Variants in RBMS1 observed in about 807,000 individuals in gnomAD.
RBMS1 encodes the protein RNA-binding motif, single-stranded-interacting protein 1.
Under a neutral mutation model 62.3 loss-of-function variants are expected in RBMS1, and 17 were observed. The ratio of observed to expected loss-of-function variants is 0.27; its 90% CI spans 0.19 to 0.41. RBMS1 has a LOEUF of 0.41. Among genes scored for constraint, RBMS1 ranks in the 10% least tolerant of loss-of-function variants. The pLI, the probability that RBMS1 is intolerant of heterozygous loss-of-function variation, is 1.00. For synonymous variants in RBMS1, 172 were observed against 170.0 expected (o/e 1.01, Z -0.09); for missense variants, 334 against 504.5 (o/e 0.66, Z 3.24).
intron 2 of RBMS1, among the ~76,000 whole-genome samples, chr2:160,324,338 C>T (rs1690764510): frequency 6.6e-6 from 1 of 152,188 alleles, no homozygotes; most frequent in Admixed American, 6.5e-5. Context: ...TAAGCCAAAG[C>T]TCTGGAGAGT....
At chr2:160,393,889 T>C (rs956458343) in intron 1 of RBMS1, among the ~76,000 whole-genome samples, 2 of 152,196 alleles carry the variant, frequency 1.3e-5, no homozygotes, top group African/African-American at 4.8e-5. Flanking sequence ...AAATAAGCTA[T>C]GCGATGTCCT....
intron 1 of RBMS1, among the ~76,000 whole-genome samples, chr2:160,481,261 C>G (rs1685359056): frequency 6.7e-6 from 1 of 149,580 alleles, no homozygotes. Context: ...ACAACAATAA[C>G]AAATCTTGAT....
At chr2:160,306,553 T>C (rs1689536210) in intron 4 of RBMS1, among the ~76,000 whole-genome samples, 1 of 152,074 alleles carries the variant, frequency 6.6e-6, no homozygotes. Context: ...AGCGCTAATG[T>C]TATTTATGTT....
At chr2:160,280,315 A>G (rs1688038331) in intron 10 of RBMS1, among the ~76,000 whole-genome samples, 2 of 152,308 alleles carry the variant, frequency 1.3e-5, no homozygotes, top group Non-Finnish European at 2.9e-5. Flanking sequence ...GTATGTGTAT[A>G]TATCACACAA....
At chr2:160,349,462 C>T (rs948514036) in intron 2 of RBMS1, among the ~76,000 whole-genome samples, 2 of 151,722 alleles carry the variant, frequency 1.3e-5, no homozygotes, top group Non-Finnish European at 2.9e-5. Context: ...GTTCTTGTGG[C>T]AAATCCTAGA....
intron 2 of RBMS1, among the ~76,000 whole-genome samples, chr2:160,366,156 C>A (rs1315520553): frequency 3.9e-5 from 6 of 152,146 alleles, no homozygotes. Flanking sequence ...AAAACAAACA[C>A]AGCACAACAA....
At chr2:160,407,872 T>A in intron 1 of RBMS1, 2 of 980,708 alleles carry the variant, frequency 2.0e-6, no homozygotes, top group Non-Finnish European at 2.4e-6. Flanking sequence ...CGCCGCCGCG[T>A]CCCCACCTAC....
chr2:160,316,744 C>T (rs1690244775), intron 3 of RBMS1, among the ~76,000 whole-genome samples: 1 of 152,068 alleles, frequency 6.6e-6, no homozygotes, highest in South Asian at 2.1e-4. Context: ...ACTGAGCCGA[C>T]ATTAAGATTT....
chr2:160,383,830 G>A (rs949919602), intron 1 of RBMS1, among the ~76,000 whole-genome samples: 1 of 152,202 alleles, frequency 6.6e-6, no homozygotes. Context: ...ACAACTAATA[G>A]GTCATCTTGT....
chr2:160,490,119 T>G (rs1685759904), intron 1 of RBMS1, among the ~76,000 whole-genome samples: 1 of 152,070 alleles, frequency 6.6e-6, no homozygotes, highest in African/African-American at 2.4e-5. Flanking sequence ...ATCAACATCT[T>G]TTTTCTGTGT....
chr2:160,450,579 A>AAAAAAAAAAT (rs1683937601), intron 1 of RBMS1, among the ~76,000 whole-genome samples: 1 of 147,024 alleles, frequency 6.8e-6, no homozygotes, highest in Non-Finnish European at 1.5e-5. Context: ...AAAAAAAAAA[A>AAAAAAAAAAT]CAAAAAACAT....
At chr2:160,426,270 AAAGAAAGAAAGAAAG>A in intron 1 of RBMS1, among the ~76,000 whole-genome samples, 1 of 126,596 alleles carries the variant, frequency 7.9e-6, no homozygotes, top group Non-Finnish European at 1.7e-5. Context: ...AGAAAGAAAG[AAAGAAAGAAAGAAAG>A]AAAGAAAAGA....
chr2:160,452,039 T>G (rs77868243), intron 1 of RBMS1, among the ~76,000 whole-genome samples: 2,275 of 152,256 alleles, frequency 0.015, 74 homozygotes, highest in African/African-American at 0.052. Context: ...AAAGCAAACT[T>G]GAACCCCTTA....
intron 1 of RBMS1, among the ~76,000 whole-genome samples, chr2:160,412,128 T>C (rs897516939): frequency 6.6e-6 from 1 of 152,134 alleles, no homozygotes; most frequent in Non-Finnish European, 1.5e-5. Context: ...AGGAGGTGTA[T>C]ACCAACTAGA....
chr2:160,490,048 T>C (rs1216917861), intron 1 of RBMS1, among the ~76,000 whole-genome samples: 3 of 152,130 alleles, frequency 2.0e-5, no homozygotes, highest in African/African-American at 4.8e-5. Flanking sequence ...TAAGTGAAAT[T>C]AATGCAGCCA....
At chr2:160,488,366 C>T (rs7424023) in intron 1 of RBMS1, among the ~76,000 whole-genome samples, 1 of 151,992 alleles carries the variant, frequency 6.6e-6, no homozygotes, top group Non-Finnish European at 1.5e-5. Flanking sequence ...TCACGAGGTC[C>T]GGAGTTCAAG....
chr2:160,493,455 G>T lies in RBMS1; in HGVS notation c.-92C>A, dbSNP rs1329806721. The T allele has an allele frequency of 7.9e-7, 1 of 1,266,194 alleles. No individual in the cohort carries two copies. Among genetic ancestry groups the T allele is most frequent in the Non-Finnish European group, 1.1e-6 (1 of 884,626 alleles). The allele number at this position is 1,266,194 out of a possible 1,614,324, so 78.4% of individuals were successfully genotyped here. A position where few individuals can be genotyped will look rare whatever the true frequency, so the allele number is the denominator to read the frequency against. On this transcript the variant is annotated 5_prime_UTR_variant, in exon 1 of 14. Transcript: ENST00000348849. ...CTGCCTCTCCCTTTCCGGCGGCGGCGGCAGCGGCGGCGGCGGCGGCGGCTG... is the reference window on the plus strand; with the variant it reads ...CTGCCTCTCCCTTTCCGGCGGCGGCTGCAGCGGCGGCGGCGGCGGCGGCTG...
chr2:160,348,884 T>G (rs945673730), intron 2 of RBMS1, among the ~76,000 whole-genome samples: 1 of 152,174 alleles, frequency 6.6e-6, no homozygotes, highest in Non-Finnish European at 1.5e-5. Context: ...ACTTATTTCT[T>G]GACTATACTG....
At chr2:160,285,252 CCT>C (rs1456818710) in intron 7 of RBMS1, among the ~76,000 whole-genome samples, 1 of 151,792 alleles carries the variant, frequency 6.6e-6, no homozygotes, top group Non-Finnish European at 1.5e-5. Context: ...GAAGGAGACC[CCT>C]GTCTCTTAAA....
Sources: allele counts gnomAD v4.1 joint callset (sites outside exome capture counted in the v4.1 genomes callset), GRCh38; gene constraint gnomAD v4.1.1; transcripts MANE v1.5; gene names NCBI Gene and HGNC (gene_info 2026-07-23, HGNC 2026-07-21).